Variants in ANKRD36C observed in about 807,000 individuals in gnomAD.
The protein encoded by ANKRD36C is ankyrin repeat domain 36C.
In ANKRD36C, 61 loss-of-function variants were observed where a neutral mutation model predicts 276.4. The ratio of observed to expected loss-of-function variants is 0.22; its 90% confidence interval spans 0.18 to 0.27. The LOEUF (loss-of-function observed/expected upper bound fraction) is 0.27. Among genes scored for constraint, ANKRD36C ranks in the 10% least tolerant of loss-of-function variants. ANKRD36C has a pLI of 1.00. For missense variants in ANKRD36C, 1,447 were observed against 2,032.3 expected (o/e 0.71, Z 5.54); for synonymous variants, 483 against 680.1 (o/e 0.71, Z 4.51).
intron 61 of ANKRD36C, among the ~76,000 whole-genome samples, chr2:95,858,460 G>C (rs1675478274): frequency 6.6e-6 from 1 of 152,056 alleles, no homozygotes; most frequent in South Asian, 2.1e-4. Flanking sequence ...TCTATTACTA[G>C]TAACTCTAGT....
At chr2:95,857,440 G>C (rs1157921116) in exon 62 of ANKRD36C, 1 of 1,596,132 alleles carries the variant, frequency 6.3e-7, no homozygotes. Flanking sequence ...CTAACTTTTT[G>C]GTGCAACTCT....
chr2:95,991,678 T>C (rs945623900), exon 1 of ANKRD36C: 1 of 1,613,662 alleles, frequency 6.2e-7, no homozygotes, highest in African/African-American at 1.3e-5. Flanking sequence ...TCCCTGAGGG[T>C]GGGCCACCTC....
At chr2:95,910,764 A>G (rs1341899980) in intron 42 of ANKRD36C, among the ~76,000 whole-genome samples, 196 bp from the exon 45 acceptor site, 3 of 151,420 alleles carry the variant, frequency 2.0e-5, no homozygotes, top group Non-Finnish European at 3.0e-5. Flanking sequence ...CATGAAATAT[A>G]CCCTTACAAT....
chr2:95,937,738 G>A (rs1371956138), intron 22 of ANKRD36C, among the ~76,000 whole-genome samples: 1 of 152,368 alleles, frequency 6.6e-6, no homozygotes, highest in Non-Finnish European at 1.5e-5. Context: ...TAACATGATG[G>A]AAAAACATGG....
intron 48 of ANKRD36C, among the ~76,000 whole-genome samples, chr2:95,889,299 T>A (rs1239542397): frequency 6.6e-6 from 1 of 151,570 alleles, no homozygotes; most frequent in East Asian, 1.9e-4. Context: ...CCAAATTACA[T>A]AAATAACTTC....
intron 65 of ANKRD36C, 95 bp downstream of exon 85, chr2:95,852,031 C>T: frequency 7.4e-7 from 1 of 1,351,576 alleles, no homozygotes; most frequent in South Asian, 1.3e-5. Context: ...TTCACAAAGA[C>T]ATACTAATTA....
At position 95,981,425 on chromosome 2, in the gene ANKRD36C, A is replaced by G. The variant is rs1382329520; in HGVS notation, c.594-640T>C. On this transcript the variant is annotated intron_variant, in intron 4 of 66. Coordinates refer to ENST00000456556, the Ensembl canonical transcript of ANKRD36C. Reference sequence around the variant, plus strand: ...ATTATATATTATCTATAAAATATATAATATATAGTATATTATATATTATCT... The same window carrying G: ...ATTATATATTATCTATAAAATATATGATATATAGTATATTATATATTATCT... Among the ~76,000 whole-genome samples the G allele has an allele frequency of 8.1e-5, 12 of 147,810 alleles. No individual in the cohort carries two copies. The East Asian group carries it at 1.6e-3, about 19-fold the overall frequency.
At chr2:95,864,704 C>T (rs980614121) in intron 60 of ANKRD36C, among the ~76,000 whole-genome samples, 2 of 152,068 alleles carry the variant, frequency 1.3e-5, no homozygotes, top group African/African-American at 2.4e-5. Flanking sequence ...TTTATTGGAA[C>T]ACAGCTGTGT....
chr2:95,953,828 T>C, intron 14 of ANKRD36C, 111 bp downstream of exon 14: 2 of 1,119,638 alleles, frequency 1.8e-6, no homozygotes, highest in Non-Finnish European at 2.4e-6. Flanking sequence ...ATAAAAGTTT[T>C]AATACTAACA....
At chr2:95,873,090 A>C (rs1188478797) in intron 59 of ANKRD36C, among the ~76,000 whole-genome samples, 3 of 152,230 alleles carry the variant, frequency 2.0e-5, no homozygotes, top group Non-Finnish European at 4.4e-5. Context: ...CCAGAGGTAC[A>C]AGGAGGAAGT....
intron 6 of ANKRD36C, among the ~76,000 whole-genome samples, chr2:95,971,811 T>G (rs1213488394): frequency 6.6e-6 from 1 of 152,162 alleles, no homozygotes; most frequent in African/African-American, 2.4e-5. Flanking sequence ...AAATCATTAC[T>G]TATTTTATCT....
At chr2:95,906,742 T>G in intron 42 of ANKRD36C, 39 bp from the exon 50 acceptor site, 1 of 132,930 alleles carries the variant, frequency 7.5e-6, no homozygotes, top group South Asian at 3.6e-5. Context: ...ATAAGGTATG[T>G]TTCATAGGCT....
rs1277219888 is a variant in ANKRD36C, at chr2:95,991,498, C to T, written c.197+14G>A. 6.3e-7 allele frequency: 1 copy of T among 1,579,720 alleles called. No homozygotes were observed. The highest frequency in any genetic ancestry group is 1.1e-5 in the South Asian group (1 of 87,190). On this transcript the variant is annotated intron_variant, in intron 1 of 66. Transcript: ENST00000456556. ...AGGCCTCCTCCCGCAGCCCCGGCTCCCGGCCCCCATTACCTTTCCTTCCTG... is the reference window on the plus strand; with the variant it reads ...AGGCCTCCTCCCGCAGCCCCGGCTCTCGGCCCCCATTACCTTTCCTTCCTG...
intron 60 of ANKRD36C, among the ~76,000 whole-genome samples, chr2:95,865,452 A>G (rs988896439): frequency 7.9e-5 from 12 of 152,072 alleles, no homozygotes; most frequent in Non-Finnish European, 1.5e-4. Flanking sequence ...CTATAAATCA[A>G]TAGTAACCAA....
chr2:95,923,386 C>T, intron 32 of ANKRD36C, 109 bp downstream of exon 32: 1 of 1,404,226 alleles, frequency 7.1e-7, no homozygotes, highest in East Asian at 2.5e-5. Context: ...CTCCGGCCTG[C>T]TGAATCAGAA....
At position 95,889,878 on chromosome 2, in the gene ANKRD36C, G is replaced by A. The variant is rs1334095533; in HGVS notation, c.2887-7C>T. On this transcript the variant is annotated splice_polypyrimidine_tract_variant and splice_region_variant and intron_variant, in intron 47 of 66. Coordinates refer to ENST00000456556, the Ensembl canonical transcript of ANKRD36C. ...TTTCCTTGTCACTTGTAGCCTGAAT[G>A]GAATTTGAAACACAACAGTCAATAA... 8.1e-6 allele frequency: 13 copies of A among 1,606,090 alleles called. No individual in the cohort carries two copies. Among genetic ancestry groups the A allele is most frequent in the Non-Finnish European group, 1.1e-5 (13 of 1,175,544 alleles).
intron 13 of ANKRD36C, among the ~76,000 whole-genome samples, chr2:95,954,364 C>T (rs1283221676): frequency 1.3e-5 from 2 of 152,112 alleles, no homozygotes; most frequent in African/African-American, 4.8e-5. Flanking sequence ...CAGTTGATAT[C>T]TGACACAACT....
intron 59 of ANKRD36C, among the ~76,000 whole-genome samples, chr2:95,870,553 C>T (rs1675783505): frequency 6.6e-6 from 1 of 152,070 alleles, no homozygotes; most frequent in Non-Finnish European, 1.5e-5. Flanking sequence ...GATAAAACCT[C>T]AAAGATGGGG....
intron 65 of ANKRD36C, 31 bp from the exon 86 acceptor site, chr2:95,851,818 C>T: frequency 9.2e-6 from 14 of 1,514,776 alleles, no homozygotes; most frequent in Non-Finnish European, 1.2e-5. Flanking sequence ...TAATTACTCT[C>T]ACACATAATT....
Sources: gnomAD v4.1 joint callset for allele counts (sites outside exome capture counted in the v4.1 genomes callset) on GRCh38, gnomAD v4.1.1 for gene constraint, MANE v1.5 for transcripts, NCBI Gene and HGNC (gene_info 2026-07-23, HGNC 2026-07-21) for gene names.